PSMD14: variants seen among roughly 807,000 people sequenced by gnomAD.
The protein encoded by PSMD14 is ubiquitin C-terminal hydrolase PSMD14.
Under a neutral mutation model 41.2 loss-of-function variants are expected in PSMD14, and 7 were observed. The observed-to-expected ratio is 0.17, with a 90% CI of 0.10 to 0.32. The LOEUF is 0.32. Among genes scored for constraint, PSMD14 ranks in the 10% least tolerant of loss-of-function variants. PSMD14 has a pLI of 1.00. For synonymous variants in PSMD14, 114 were observed against 122.3 expected (o/e 0.93, Z 0.45); for missense variants, 139 against 375.6 (o/e 0.37, Z 5.21).
chr2:161,341,075 C>T (rs1682949997), intron 3 of PSMD14: 8 of 1,539,888 alleles, frequency 5.2e-6, no homozygotes, highest in South Asian at 2.3e-5. Flanking sequence ...CCGCAGGCTC[C>T]CCGAGCTCCC....
intron 1 of PSMD14, among the ~76,000 whole-genome samples, chr2:161,310,543 G>C (rs928048806): frequency 2.6e-5 from 4 of 152,096 alleles, no homozygotes; most frequent in African/African-American, 9.7e-5. Flanking sequence ...CCTTATTTGT[G>C]AAATGGGAGA....
Position 161,346,092 on chromosome 2 carries a change from A to T in PSMD14, c.49-21386A>T, listed in dbSNP as rs1446428625. ...GACAGAGGGTTTTGCCATGTTGCCCAGGCAGTTCTTGAACTCCTGGGCTCC... is the reference window on the plus strand; with the variant it reads ...GACAGAGGGTTTTGCCATGTTGCCCTGGCAGTTCTTGAACTCCTGGGCTCC... On this transcript the variant is annotated intron_variant, in intron 3 of 11. Transcript: ENST00000409682. Among the ~76,000 whole-genome samples, 6 of 152,078 alleles carry T rather than the reference A, an allele frequency of 3.9e-5. 1 individual carries two copies.
chr2:161,322,507 A>C (rs1051762781), intron 3 of PSMD14, among the ~76,000 whole-genome samples: 4 of 152,146 alleles, frequency 2.6e-5, no homozygotes, highest in Non-Finnish European at 5.9e-5. Context: ...CTCCTGCCTC[A>C]GCCTCGCAAG....
chr2:161,350,187 T>A (rs1683099215), intron 3 of PSMD14, among the ~76,000 whole-genome samples: 1 of 152,192 alleles, frequency 6.6e-6, no homozygotes. Context: ...TGTAGTTACT[T>A]GGGGATAGGG....
intron 10 of PSMD14, among the ~76,000 whole-genome samples, chr2:161,401,455 G>T (rs1410009928): frequency 6.6e-6 from 1 of 152,214 alleles, no homozygotes; most frequent in Non-Finnish European, 1.5e-5. Context: ...CTGCAAGAAA[G>T]CTTATGCAGT....
chr2:161,364,888 G>C (rs942390142), intron 3 of PSMD14, among the ~76,000 whole-genome samples: 2 of 152,202 alleles, frequency 1.3e-5, no homozygotes, highest in Non-Finnish European at 1.5e-5. Context: ...TGGATTGCTT[G>C]AGCTCAGGAG....
chr2:161,329,166 TA>T (rs1306966929), intron 3 of PSMD14, among the ~76,000 whole-genome samples: 23 of 152,100 alleles, frequency 1.5e-4, no homozygotes, highest in African/African-American at 5.1e-4. Context: ...TTATCAGACT[TA>T]CATTTTTAAA....
At chr2:161,346,354 C>T (rs1195467997) in intron 3 of PSMD14, among the ~76,000 whole-genome samples, 1 of 151,958 alleles carries the variant, frequency 6.6e-6, no homozygotes, top group African/African-American at 2.4e-5. Context: ...CATTTTCATC[C>T]CAAGAAGTTT....
chr2:161,343,184 C>G (rs1389277599), intron 3 of PSMD14, among the ~76,000 whole-genome samples: 1 of 152,154 alleles, frequency 6.6e-6, no homozygotes, highest in Non-Finnish European at 1.5e-5. Flanking sequence ...TTCATCGTCC[C>G]AAACTGAAAC....
intron 3 of PSMD14, among the ~76,000 whole-genome samples, chr2:161,361,293 T>C (rs1683286204): frequency 6.6e-6 from 1 of 152,184 alleles, no homozygotes; most frequent in Non-Finnish European, 1.5e-5. Flanking sequence ...GAAATCTAAA[T>C]GAAATGAAAC....
intron 8 of PSMD14, among the ~76,000 whole-genome samples, chr2:161,389,891 T>TGTTTTTTTTTG: frequency 1.4e-5 from 1 of 71,936 alleles, no homozygotes; most frequent in African/African-American, 5.8e-5. Flanking sequence ...TTTTTGTTGT[T>TGTTTTTTTTTG]TTTTTTTTTT....
At position 161,347,740 on chromosome 2, in the gene PSMD14, A is replaced by C. The variant is rs918993053; in HGVS notation, c.49-19738A>C. Reference sequence around the variant, plus strand: ...AGGGACGATTGATTCATTTTCATCTAAAAACACTAAAAAATAAACAGTTAA... The same window carrying C: ...AGGGACGATTGATTCATTTTCATCTCAAAACACTAAAAAATAAACAGTTAA... On this transcript the variant is annotated intron_variant, in intron 3 of 11. Transcript: ENST00000409682. Among the ~76,000 whole-genome samples the C allele has an allele frequency of 5.9e-5, 9 of 152,358 alleles. 1 individual carries two copies. Among genetic ancestry groups the C allele is most frequent in the South Asian group, 4.1e-4 (2 of 4,830 alleles).
At chr2:161,349,816 A>ATGGTCTAAACTGTGAATGTTTTC (rs1683094781) in intron 3 of PSMD14, among the ~76,000 whole-genome samples, 1 of 152,174 alleles carries the variant, frequency 6.6e-6, no homozygotes. Flanking sequence ...CTTGCAAGGT[A>ATGGTCTAAACTGTGAATGTTTTC]TGGTCTAAAC....
At chr2:161,324,700 CTG>C (rs1171338542) in intron 3 of PSMD14, among the ~76,000 whole-genome samples, 1 of 135,306 alleles carries the variant, frequency 7.4e-6, no homozygotes, top group African/African-American at 2.8e-5. Flanking sequence ...GTAATTTGAT[CTG>C]TGTTTTTGAA....
rs934867373 is a variant in PSMD14 at position 161,308,456 on chromosome 2, T to C, written c.-286T>C. Reference sequence around the variant, plus strand: ...TTCGCGGCGGAGGCCCGGGCAACTCTTTTGAATGGAATCGGGCTGATTCAT... The same window carrying C: ...TTCGCGGCGGAGGCCCGGGCAACTCCTTTGAATGGAATCGGGCTGATTCAT... On this transcript the variant is annotated 5_prime_UTR_variant, in exon 1 of 12. Transcript: ENST00000409682. The C allele has an allele frequency of 2.6e-5, 4 of 152,292 alleles. No homozygotes were observed. The highest frequency in any genetic ancestry group is 9.6e-5 in the African/African-American group (4 of 41,482). The allele number at this position is 152,292 out of a possible 1,614,324, so 9.4% of individuals were successfully genotyped here.
chr2:161,334,105 G>A (rs1264869338), intron 3 of PSMD14, among the ~76,000 whole-genome samples: 2 of 152,090 alleles, frequency 1.3e-5, no homozygotes, highest in Non-Finnish European at 2.9e-5. Context: ...GGCTGAGGTG[G>A]GCGGATCATC....
At chr2:161,345,659 G>A (rs1683031095) in intron 3 of PSMD14, among the ~76,000 whole-genome samples, 2 of 152,068 alleles carry the variant, frequency 1.3e-5, no homozygotes, top group Non-Finnish European at 2.9e-5. Flanking sequence ...TGTTTCTTGT[G>A]CTTTGGTTTA....
chr2:161,403,508 G>C (rs1327458009), intron 10 of PSMD14, among the ~76,000 whole-genome samples: 1 of 152,066 alleles, frequency 6.6e-6, no homozygotes, highest in Non-Finnish European at 1.5e-5. Flanking sequence ...ACTTTAAAAT[G>C]GTTAATTTTA....
chr2:161,349,601 C>T (rs1456923925), intron 3 of PSMD14, among the ~76,000 whole-genome samples: 1 of 152,140 alleles, frequency 6.6e-6, no homozygotes, highest in African/African-American at 2.4e-5. Context: ...GTCTGTGGAG[C>T]ACTGACCTAG....
Sources: allele counts gnomAD v4.1 joint callset (sites outside exome capture counted in the v4.1 genomes callset), GRCh38; gene constraint gnomAD v4.1.1; transcripts MANE v1.5; gene names NCBI Gene and HGNC (gene_info 2026-07-23, HGNC 2026-07-21).